The following PCED1B variants were observed in gnomAD, a reference collection of about 807,000 sequenced individuals.
The protein encoded by PCED1B is PC-esterase domain containing 1B, also known as PC-esterase domain-containing protein 1B.
For synonymous variants in PCED1B, 251 were observed against 246.1 expected (o/e 1.02, Z -0.19); for missense variants, 573 against 573.9 (o/e 1.00, Z 0.02).
At chr12:47,134,220 G>A (rs1940251362) in intron 2 of PCED1B, among the ~76,000 whole-genome samples, 1 of 152,184 alleles carries the variant, frequency 6.6e-6, no homozygotes, top group South Asian at 2.1e-4. Flanking sequence ...ATGAAAAGGA[G>A]ATTTGGAAAG....
Position 47,236,537 on chromosome 12 carries a change from ATTC to A in PCED1B, c.*181_*183del, listed in dbSNP as rs1368147866. On this transcript the variant is annotated 3_prime_UTR_variant, in exon 4 of 4. Coordinates refer to ENST00000546455, the MANE Select transcript of PCED1B (RefSeq NM_138371.3). ...AAGCCAAGGAAGAGCAGCCTGACTC[ATTC>A]TTCTTGGCTGCAGCCTCTTCCCCAC... 9.2e-6 allele frequency: 6 copies of A among 655,412 alleles called. No homozygotes were observed. The highest frequency in any genetic ancestry group is 9.0e-5 in the East Asian group (3 of 33,472). 40.6% of individuals were successfully genotyped at this position (655,412 alleles called of 1,614,324 possible). A position where few individuals can be genotyped will look rare whatever the true frequency, so the allele number is the denominator to read the frequency against.
At chr12:47,080,307 G>A (rs971640486) in intron 1 of PCED1B, among the ~76,000 whole-genome samples, 3 of 152,150 alleles carry the variant, frequency 2.0e-5, no homozygotes, top group Admixed American at 6.5e-5. Flanking sequence ...CACCCTTGGA[G>A]ACCCACTTCG....
chr12:47,182,608 A>G lies in PCED1B; in HGVS notation c.-525-33614A>G, dbSNP rs1333302176. On this transcript the variant is annotated intron_variant, in intron 2 of 3. Coordinates refer to ENST00000546455, the MANE Select transcript of PCED1B (RefSeq NM_138371.3). The stretch of plus-strand genomic sequence containing the variant: ...TCCATCTCAAAAAAAAAAAGAAAAA[A>G]AAAGAATACTACTATGTTGAGTGCT... 5.3e-5 allele frequency among the ~76,000 whole-genome samples: 8 copies of G among 152,056 alleles called. No individual in the cohort carries two copies. The South Asian group carries it at 8.3e-4, about 16-fold the overall frequency.
intron 2 of PCED1B, among the ~76,000 whole-genome samples, chr12:47,117,990 A>C (rs1939504693): frequency 6.6e-6 from 1 of 152,136 alleles, no homozygotes; most frequent in African/African-American, 2.4e-5. Context: ...GGCTGCATAA[A>C]TGTCTTCTTT....
Position 47,235,864 on chromosome 12 carries a change from GA to G in PCED1B, c.803del (p.Lys268ArgfsTer169). The G allele has an allele frequency of 6.3e-7, 1 of 1,580,256 alleles. No individual in the cohort carries two copies. The highest frequency in any genetic ancestry group is 1.1e-5 in the South Asian group (1 of 87,838). ...HRHPVGEWIK[K>X]KKPGPRVEGP... ...GCCACCCCGTGGGCGAGTGGATCAAGAAGAAAAAACCTGGCCCGAGAGTCGA... is the reference window on the plus strand; with the variant it reads ...GCCACCCCGTGGGCGAGTGGATCAAGAGAAAAAACCTGGCCCGAGAGTCGA... On this transcript the variant is annotated frameshift_variant, in exon 4 of 4. Coordinates refer to ENST00000546455, the MANE Select transcript of PCED1B (RefSeq NM_138371.3). LOFTEE classifies it low-confidence loss of function (END_TRUNC).
At chr12:47,230,760 T>A (rs2137893577) in intron 3 of PCED1B, among the ~76,000 whole-genome samples, 1 of 152,250 alleles carries the variant, frequency 6.6e-6, no homozygotes, top group South Asian at 2.1e-4. Context: ...ATTAATATAG[T>A]GAAAAAGTAA....
At chr12:47,183,923 G>T (rs765244437) in intron 2 of PCED1B, among the ~76,000 whole-genome samples, 2 of 152,346 alleles carry the variant, frequency 1.3e-5, no homozygotes, top group Non-Finnish European at 2.9e-5. Context: ...AGGCAGTGGG[G>T]ATACTGCATG....
chr12:47,084,855 G>T (rs777228918), intron 1 of PCED1B, among the ~76,000 whole-genome samples: 1 of 152,146 alleles, frequency 6.6e-6, no homozygotes, highest in Non-Finnish European at 1.5e-5. Flanking sequence ...AAACATTTAG[G>T]CTGGGATCGG....
intron 2 of PCED1B, among the ~76,000 whole-genome samples, chr12:47,110,691 C>G (rs897574820): frequency 1.3e-5 from 2 of 152,170 alleles, no homozygotes; most frequent in African/African-American, 4.8e-5. Context: ...TGTCACTAAT[C>G]AGAAATATAA....
intron 2 of PCED1B, among the ~76,000 whole-genome samples, chr12:47,110,744 T>C (rs1939157752): frequency 6.6e-6 from 1 of 152,252 alleles, no homozygotes; most frequent in South Asian, 2.1e-4. Context: ...GCTTTGATCA[T>C]GCAAACATGA....
intron 3 of PCED1B, among the ~76,000 whole-genome samples, chr12:47,231,496 G>C (rs1457727117): frequency 5.9e-5 from 9 of 152,166 alleles, no homozygotes; most frequent in Non-Finnish European, 2.9e-5. Flanking sequence ...TGGAAACAAG[G>C]GTTATCTTCT....
intron 3 of PCED1B, among the ~76,000 whole-genome samples, chr12:47,223,297 A>G (rs915656803): frequency 1.3e-5 from 2 of 152,158 alleles, no homozygotes; most frequent in Admixed American, 1.3e-4. Context: ...AAAAGTGGCC[A>G]CTGAAAGGAG....
intron 3 of PCED1B, among the ~76,000 whole-genome samples, chr12:47,233,248 C>G (rs989619209): frequency 2.0e-5 from 3 of 152,010 alleles, no homozygotes; most frequent in African/African-American, 7.2e-5. Context: ...GCTCCGCCTC[C>G]TGGGCTCACG....
At chr12:47,220,250 C>T (rs983837902) in intron 3 of PCED1B, among the ~76,000 whole-genome samples, 1 of 152,120 alleles carries the variant, frequency 6.6e-6, no homozygotes, top group Non-Finnish European at 1.5e-5. Context: ...TGGCTCACTG[C>T]AACCTCTGCC....
chr12:47,111,641 G>A (rs61045067), intron 2 of PCED1B, among the ~76,000 whole-genome samples: 22,684 of 151,890 alleles, frequency 0.15, 1,877 homozygotes, highest in African/African-American at 0.23. Context: ...CTGCCTGTGA[G>A]TTTGTCTCCT....
At chr12:47,123,760 A>G (rs991471292) in intron 2 of PCED1B, among the ~76,000 whole-genome samples, 1 of 152,044 alleles carries the variant, frequency 6.6e-6, no homozygotes, top group African/African-American at 2.4e-5. Flanking sequence ...TGTATCTATT[A>G]TACTTTCATT....
intron 2 of PCED1B, among the ~76,000 whole-genome samples, chr12:47,178,083 G>C (rs1036941338): frequency 5.9e-5 from 9 of 152,318 alleles, no homozygotes; most frequent in Admixed American, 1.3e-4. Context: ...AATGTAATCA[G>C]ATCTGCTTAA....
chr12:47,228,391 G>A (rs1290631068), intron 3 of PCED1B, among the ~76,000 whole-genome samples: 1 of 151,830 alleles, frequency 6.6e-6, no homozygotes, highest in Non-Finnish European at 1.5e-5. Context: ...TTAGGATATG[G>A]GATTATACTC....
At chr12:47,149,665 C>A (rs1364944956) in intron 2 of PCED1B, among the ~76,000 whole-genome samples, 1 of 152,148 alleles carries the variant, frequency 6.6e-6, no homozygotes, top group Admixed American at 6.6e-5. Context: ...GTTTTAATAG[C>A]TTTTTCTTTT....
Sources: allele counts gnomAD v4.1 joint callset (sites outside exome capture counted in the v4.1 genomes callset), GRCh38; gene constraint gnomAD v4.1.1; transcripts MANE v1.5; gene names NCBI Gene and HGNC (gene_info 2026-07-23, HGNC 2026-07-21).